Variants in SPIRE1 observed in about 807,000 individuals in gnomAD.
The protein encoded by SPIRE1 is spire type actin nucleation factor 1.
In SPIRE1, 40 loss-of-function variants were observed where a neutral mutation model predicts 94.1. That is an observed-to-expected ratio of 0.43 (90% CI 0.33 to 0.55). The LOEUF is 0.55. SPIRE1 is among the 20% of genes least tolerant of loss of function. The probability of loss-of-function intolerance (pLI) is 0.06; values close to 1 mark genes in which losing one functional copy is unlikely to be tolerated. For missense variants in SPIRE1, 838 were observed against 975.2 expected, an observed-to-expected ratio of 0.86 and a Z score of 1.87; for synonymous variants, 376 against 371.7, an observed-to-expected ratio of 1.01 and a Z score of -0.13.
At position 12,495,978 on chromosome 18, in the gene SPIRE1, G is replaced by A. The variant is rs754507215; in HGVS notation, c.1059+38C>T. The A allele has an allele frequency of 1.9e-5, 28 of 1,454,872 alleles. No homozygotes were observed. In the Admixed American group the frequency reaches 4.7e-4, roughly 24 times the overall value. The allele number at this position is 1,454,872 out of a possible 1,614,324, so 90.1% of individuals were successfully genotyped here. ...ACCCTAGAGTAGAATAATTCATTAT[G>A]ATATCTCCAATCTAGAGAACTATGT... On this transcript the variant is annotated intron_variant, in intron 7 of 16. Coordinates refer to ENST00000409402, the MANE Select transcript of SPIRE1 (RefSeq NM_001128626.2).
intron 10 of SPIRE1, among the ~76,000 whole-genome samples, chr18:12,469,793 C>T (rs919560237): frequency 6.8e-6 from 1 of 147,200 alleles, no homozygotes; most frequent in African/African-American, 2.5e-5. Context: ...TCTCATGAGA[C>T]TCTTATAGAT....
In SPIRE1 at chr18:12,452,252, C is replaced by A; in HGVS notation, c.2012+3G>T. ...GGTTTGACAACCCAGGCCCCTTGCTCACCTGGCAATGCTCCGAAGTGGCCG... is the reference window on the plus strand; with the variant it reads ...GGTTTGACAACCCAGGCCCCTTGCTAACCTGGCAATGCTCCGAAGTGGCCG... On this transcript the variant is annotated splice_donor_region_variant and intron_variant, in intron 16 of 16. Transcript: ENST00000409402. 1 of 1,613,590 alleles carries A rather than the reference C, an allele frequency of 6.2e-7. No individual in the cohort carries two copies. Among genetic ancestry groups the A allele is most frequent in the Non-Finnish European group, 8.5e-7 (1 of 1,179,916 alleles).
At chr18:12,474,142 C>T (rs2032466571) in intron 10 of SPIRE1, among the ~76,000 whole-genome samples, 1 of 152,208 alleles carries the variant, frequency 6.6e-6, no homozygotes, top group South Asian at 2.1e-4. Flanking sequence ...ACAGCATTTC[C>T]TATATCAAGA....
In SPIRE1 at chr18:12,449,896, C is replaced by T. The variant is rs759094641; in HGVS notation, c.2013G>A (p.Arg671=). ...CCATAGACTTAGATTTTGAGGAGAA[C>T]CTGGGGTGAAAACAAAACAGAAGCC... is the stretch of plus-strand genomic sequence containing the variant. ...AHHRPLRSIA[R]FSSKSKSMDK... is the part of the protein sequence containing the mutation. Residue 671 remains arginine, a splice_region_variant and synonymous_variant, in exon 17 of 17, where the codon AGG becomes AGA. Coordinates refer to ENST00000409402, the MANE Select transcript of SPIRE1 (RefSeq NM_001128626.2). 2 of 1,612,810 alleles carry T rather than the reference C, an allele frequency of 1.2e-6. No individual in the cohort carries two copies. Among genetic ancestry groups the T allele is most frequent in the Non-Finnish European group, 1.7e-6 (2 of 1,179,284 alleles).
intron 2 of SPIRE1, among the ~76,000 whole-genome samples, chr18:12,555,534 T>A (rs753896958): frequency 6.6e-6 from 1 of 152,122 alleles, no homozygotes; most frequent in East Asian, 1.9e-4. Flanking sequence ...TCAATCAATC[T>A]GACACATCAT....
chr18:12,584,007 T>C (rs1481659416), intron 2 of SPIRE1, among the ~76,000 whole-genome samples: 2 of 151,604 alleles, frequency 1.3e-5, no homozygotes, highest in Non-Finnish European at 2.9e-5. Context: ...GACTCTCAAA[T>C]GAGATATAAA....
chr18:12,474,919 A>T (rs1352011974), intron 10 of SPIRE1, among the ~76,000 whole-genome samples: 1 of 152,164 alleles, frequency 6.6e-6, no homozygotes, highest in Non-Finnish European at 1.5e-5. Flanking sequence ...AGCAGGAAGA[A>T]AAAGAATAAA....
chr18:12,510,069 A>AG (rs2033982623), intron 5 of SPIRE1, among the ~76,000 whole-genome samples: 1 of 151,204 alleles, frequency 6.6e-6, no homozygotes, highest in Non-Finnish European at 1.5e-5. Context: ...TGGGCGACAG[A>AG]GCAAGACTCC....
intron 2 of SPIRE1, among the ~76,000 whole-genome samples, chr18:12,557,556 C>T (rs1167511955): frequency 3.3e-5 from 5 of 152,148 alleles, no homozygotes; most frequent in South Asian, 2.1e-4. Context: ...CAGAGGGAGC[C>T]GGCTCCAGCC....
rs2031093688 is a variant in SPIRE1, at chr18:12,449,162, C to T, written c.*476G>A. The stretch of plus-strand genomic sequence containing the variant: ...GCTTCTAGGTTCTGTGCTGTGAGCC[C>T]CCAGGTCGTGGAGTGTAGGGCTCTG... On this transcript the variant is annotated 3_prime_UTR_variant, in exon 17 of 17. Transcript: ENST00000409402. The T allele has an allele frequency of 1.9e-5, 3 of 155,590 alleles. No individual in the cohort carries two copies. The highest frequency in any genetic ancestry group is 6.3e-5 in the Admixed American group (1 of 15,896). 9.6% of individuals were successfully genotyped at this position (155,590 alleles called of 1,614,324 possible). A position where few individuals can be genotyped will look rare whatever the true frequency, so the allele number is the denominator to read the frequency against.
At chr18:12,502,033 T>G (rs912871005) in intron 6 of SPIRE1, among the ~76,000 whole-genome samples, 6 of 152,156 alleles carry the variant, frequency 3.9e-5, no homozygotes, top group African/African-American at 1.4e-4. Context: ...CATTTTCCAT[T>G]TTGGATGCAC....
intron 4 of SPIRE1, among the ~76,000 whole-genome samples, chr18:12,532,348 A>G (rs1320207716): frequency 1.3e-5 from 2 of 152,216 alleles, no homozygotes; most frequent in Admixed American, 1.3e-4. Context: ...ATAAATTGCC[A>G]ATTTGCCATA....
chr18:12,497,289 G>C (rs933472113), intron 6 of SPIRE1, among the ~76,000 whole-genome samples: 3 of 152,140 alleles, frequency 2.0e-5, no homozygotes, highest in African/African-American at 7.2e-5. Flanking sequence ...AATGCAATGT[G>C]TTAAAAACAA....
At chr18:12,471,794 T>C (rs1244445219) in intron 10 of SPIRE1, among the ~76,000 whole-genome samples, 1 of 152,198 alleles carries the variant, frequency 6.6e-6, no homozygotes, top group Non-Finnish European at 1.5e-5. Flanking sequence ...TATCTTCTTC[T>C]TCTTTTTTTG....
In SPIRE1 at chr18:12,517,867, T is replaced by G. The variant is rs570256923; in HGVS notation, c.730-5336A>C. On this transcript the variant is annotated intron_variant, in intron 4 of 16. Transcript: ENST00000409402. ...CATATATGTTCATATATTAAAATAA[T>G]AATGTATTTTTTATGACAGCATTTT... Among the ~76,000 whole-genome samples the G allele has an allele frequency of 4.8e-4, 73 of 152,338 alleles. 1 individual carries two copies. Among genetic ancestry groups the G allele is most frequent in the Middle Eastern group, 3.4e-3 (1 of 294 alleles).
chr18:12,598,571 G>A (rs1169086218), intron 2 of SPIRE1, among the ~76,000 whole-genome samples: 5 of 151,786 alleles, frequency 3.3e-5, no homozygotes, highest in African/African-American at 7.3e-5. Flanking sequence ...GATTATTCTC[G>A]AGACTTTTCT....
At chr18:12,561,911 G>T (rs1402805804) in intron 2 of SPIRE1, among the ~76,000 whole-genome samples, 3 of 152,116 alleles carry the variant, frequency 2.0e-5, no homozygotes, top group South Asian at 2.1e-4. Context: ...AATTGCAAAA[G>T]AACTTTTGAT....
At chr18:12,598,612 A>C (rs2036745496) in intron 2 of SPIRE1, among the ~76,000 whole-genome samples, 3 of 152,184 alleles carry the variant, frequency 2.0e-5, no homozygotes, top group Non-Finnish European at 4.4e-5. Flanking sequence ...ATCACTTAAA[A>C]CTTACAGAAA....
intron 2 of SPIRE1, among the ~76,000 whole-genome samples, chr18:12,630,997 G>A (rs970526440): frequency 6.6e-6 from 1 of 152,148 alleles, no homozygotes; most frequent in Non-Finnish European, 1.5e-5. Flanking sequence ...TCTCAGAAAT[G>A]AGCCTGCCTT....
Sources: allele counts gnomAD v4.1 joint callset (sites outside exome capture counted in the v4.1 genomes callset), GRCh38; gene constraint gnomAD v4.1.1; transcripts MANE v1.5; gene names NCBI Gene and HGNC (gene_info 2026-07-23, HGNC 2026-07-21).